The following DNAJC14 variants were observed in gnomAD, a reference collection of about 807,000 sequenced individuals.
The protein encoded by DNAJC14 is dnaJ homolog subfamily C member 14.
A neutral mutation model predicts 68.8 loss-of-function variants in DNAJC14; 12 were observed. That is an observed-to-expected ratio of 0.17 (90% CI 0.11 to 0.28). The LOEUF (loss-of-function observed/expected upper bound fraction) is 0.28. DNAJC14 is among the 10% of genes least tolerant of loss of function. The pLI is 1.00. For synonymous variants in DNAJC14, 350 were observed against 321.5 expected, an observed-to-expected ratio of 1.09 and a Z score of -0.95; for missense variants, 764 against 875.6, an observed-to-expected ratio of 0.87 and a Z score of 1.61.
In DNAJC14 at chr12:55,821,809, A is replaced by G; in HGVS notation, c.*168T>C. 4.7e-6 allele frequency: 3 copies of G among 635,354 alleles called. No individual in the cohort carries two copies. The highest frequency in any genetic ancestry group is 7.3e-6 in the Non-Finnish European group (3 of 410,882). The allele number at this position is 635,354 out of a possible 1,614,324, so 39.4% of individuals were successfully genotyped here. A position where few individuals can be genotyped will look rare whatever the true frequency, so the allele number is the denominator to read the frequency against. On this transcript the variant is annotated 3_prime_UTR_variant, in exon 7 of 7. Coordinates refer to ENST00000678005, the MANE Select transcript of DNAJC14 (RefSeq NM_032364.6). The stretch of plus-strand genomic sequence containing the variant: ...GAGACAGAGGTTGCAGTAAGCTGAG[A>G]TCACACCACTGCACTCCAGCTGGGC...
At chr12:55,823,375 T>C (rs1392091163) in intron 3 of DNAJC14, 27 bp downstream of exon 3, 1 of 1,611,766 alleles carries the variant, frequency 6.2e-7, no homozygotes, top group African/African-American at 1.3e-5. Flanking sequence ...TTTACCATTA[T>C]CTGATGATTT....
chr12:55,826,976 T>C (rs1263242648), intron 2 of DNAJC14, among the ~76,000 whole-genome samples: 1 of 151,576 alleles, frequency 6.6e-6, no homozygotes, highest in Non-Finnish European at 1.5e-5. Flanking sequence ...AATCATGAAG[T>C]CAGGAGTTCG....
chr12:55,826,851 A>T (rs1282157678), intron 2 of DNAJC14, among the ~76,000 whole-genome samples: 1 of 151,258 alleles, frequency 6.6e-6, no homozygotes, highest in South Asian at 2.1e-4. Context: ...TTAACTTTCT[A>T]CTCTGCCTTC....
intron 2 of DNAJC14, among the ~76,000 whole-genome samples, chr12:55,826,801 GAA>G (rs79898481): frequency 8.1e-6 from 1 of 123,238 alleles, no homozygotes. Flanking sequence ...TCCGTCTCAA[GAA>G]AAAAAAAAAA....
chr12:55,822,777 A>T (rs753559874), intron 4 of DNAJC14, 45 bp from the exon 5 acceptor site: 7 of 1,604,794 alleles, frequency 4.4e-6, no homozygotes, highest in Middle Eastern at 1.7e-4. Context: ...TGTCAAGCCT[A>T]CCTAGGGCAC....
intron 1 of DNAJC14, among the ~76,000 whole-genome samples, 164 bp from the exon 2 acceptor site, chr12:55,828,878 A>G (rs978667738): frequency 6.6e-6 from 1 of 152,068 alleles, no homozygotes; most frequent in African/African-American, 2.4e-5. Flanking sequence ...ACTCACCACA[A>G]CCCTGCTTGC....
rs370435412 is a variant in DNAJC14 at position 55,822,578 on chromosome 12, T to C, written c.1789A>G (p.Ile597Val). Residue 597 changes from isoleucine (I) to valine (V), a missense_variant, in exon 5 of 7, where the codon ATC (isoleucine) becomes GTC (valine). This residue lies in a region of DNAJC14 where 134 missense variants were observed against 162.3 expected (regional missense o/e 0.83). Transcript: ENST00000678005. ...FALMDGKVYDITEWAGCQRVG... is the reference protein window; with the variant it reads ...FALMDGKVYDVTEWAGCQRVG... ...TCTAGAGGACAGAGAGTACCTGTGA[T>C]GTCATACACCTTTCCATCCATCAGT... The C allele has an allele frequency of 5.0e-6, 8 of 1,614,122 alleles. No individual in the cohort carries two copies. The African/African-American group carries it at 1.1e-4, about 22-fold the overall frequency.
chr12:55,821,950 C>A lies in DNAJC14; in HGVS notation c.*27G>T. 6.3e-7 allele frequency: 1 copy of A among 1,592,776 alleles called. No homozygotes were observed. Among genetic ancestry groups the A allele is most frequent in the Non-Finnish European group, 8.5e-7 (1 of 1,169,690 alleles). On this transcript the variant is annotated 3_prime_UTR_variant, in exon 7 of 7. Transcript: ENST00000678005. ...TGCTACAGCCCTTTTGACTCCCTGA[C>A]ATTGATTTGAGGAAAGAGAAGGGGC...
intron 1 of DNAJC14, chr12:55,829,170 G>A: frequency 4.1e-6 from 4 of 985,998 alleles, no homozygotes; most frequent in Non-Finnish European, 4.8e-6. Flanking sequence ...AAGGTGGCCG[G>A]GCACCGTGGC....
rs1254513771 is a variant in DNAJC14 at position 55,827,425 on chromosome 12, C to T, written c.1234G>A (p.Gly412Arg). The T allele has an allele frequency of 1.2e-6, 2 of 1,611,652 alleles. No individual in the cohort carries two copies. The highest frequency in any genetic ancestry group is 2.2e-5 in the East Asian group (1 of 44,844). Residue 412 changes from glycine to arginine, a missense_variant, in exon 2 of 7, where the codon GGG (glycine) becomes AGG (arginine). Gly to Arg is a moderately radical substitution (Grantham distance 125, BLOSUM62 -2). Transcript: ENST00000678005. The stretch of plus-strand genomic sequence containing the variant: ...CGCCCACTAGCTACAGGTGCATTCC[C>T]CTGCCTATTAATATTCTGCTTGACC... ...PWVKQNINRQ[G>R]NAPVASGRYC...
intron 2 of DNAJC14, among the ~76,000 whole-genome samples, chr12:55,823,931 T>C (rs1261285808): frequency 3.3e-5 from 5 of 150,850 alleles, no homozygotes; most frequent in Non-Finnish European, 7.4e-5. Flanking sequence ...CTCGAACTCC[T>C]GACCTCAAGA....
chr12:55,822,177 C>A lies in DNAJC14; in HGVS notation c.1909G>T (p.Asp637Tyr), dbSNP rs1485851731. The change falls in exon 7 of 7, where the codon GAT becomes TAT. Residue 637 changes from aspartate to tyrosine, a missense_variant. Physicochemically the swap from Asp to Tyr is radical, Grantham distance 160. Transcript: ENST00000678005. ...TCCTGAAGATCAGCAGGAGGGGCAT[C>A]TGGGGTGGCTCTGAGGTAAAACAGA... ...GTRGRQRATP[D>Y]APPADLQDFL... The A allele has an allele frequency of 3.1e-5, 49 of 1,595,120 alleles. No individual in the cohort carries two copies. The highest frequency in any genetic ancestry group is 3.5e-5 in the Non-Finnish European group (41 of 1,170,900).
At chr12:55,825,066 GC>G (rs1396972913) in intron 2 of DNAJC14, among the ~76,000 whole-genome samples, 1 of 150,792 alleles carries the variant, frequency 6.6e-6, no homozygotes, top group Non-Finnish European at 1.5e-5. Context: ...GGGGATCAAG[GC>G]TGCAGTGAGC....
chr12:55,826,741 G>A lies in DNAJC14; in HGVS notation c.1407+511C>T, dbSNP rs368031047. Among the ~76,000 whole-genome samples the A allele has an allele frequency of 7.4e-4, 111 of 150,700 alleles. No individual in the cohort carries two copies. In the South Asian group the frequency reaches 0.022, roughly 30 times the overall value. ...CGTGAACCCGGGAGGCGGAGTTTGCGTGAGCCAAGATCACGCCACTGCACT... is the reference window on the plus strand; with the variant it reads ...CGTGAACCCGGGAGGCGGAGTTTGCATGAGCCAAGATCACGCCACTGCACT... On this transcript the variant is annotated intron_variant, in intron 2 of 6. Coordinates refer to ENST00000678005, the MANE Select transcript of DNAJC14 (RefSeq NM_032364.6).
chr12:55,825,582 C>T (rs1387305785), intron 2 of DNAJC14, among the ~76,000 whole-genome samples: 7 of 120,028 alleles, frequency 5.8e-5, no homozygotes, highest in South Asian at 5.5e-4. Context: ...CTTGTTCTGT[C>T]GCCCAGGCTG....
At position 55,821,862 on chromosome 12, in the gene DNAJC14, TAAAAA is replaced by T; in HGVS notation, c.*110_*114del. 8.2e-7 allele frequency: 1 copy of T among 1,212,860 alleles called. No homozygotes were observed. Among genetic ancestry groups the T allele is most frequent in the Non-Finnish European group, 1.1e-6 (1 of 878,936 alleles). The allele number at this position is 1,212,860 out of a possible 1,614,324, so 75.1% of individuals were successfully genotyped here. On this transcript the variant is annotated 3_prime_UTR_variant, in exon 7 of 7. Transcript: ENST00000678005. ...CAGAGCAAGACTCCATCTCAAAAAA[TAAAAA>T]GAAAAAGATTCAGTTCCTAGGTGTT...
In DNAJC14 at chr12:55,827,620, G is replaced by A. The variant is rs752487304; in HGVS notation, c.1039C>T (p.Arg347Trp). The A allele has an allele frequency of 2.3e-5, 37 of 1,609,678 alleles. No individual in the cohort carries two copies. In the Admixed American group the frequency reaches 4.9e-4, roughly 21 times the overall value. Residue 347 changes from arginine to tryptophan, a missense_variant, in exon 2 of 7, where the codon CGG becomes TGG. Around this residue, in one of 4 missense-constraint regions of DNAJC14, gnomAD observed 514 missense variants for 521.7 expected, o/e 0.99. Transcript: ENST00000678005. ...CGGTCACCTAGTCCCACCAGAAACC[G>A]CCATCCCAACTGTAGAAAGCCCAAA... ...LFLGFLQLGW[R>W]FLVGLGDRLG...
chr12:55,826,511 A>G (rs1012299452), intron 2 of DNAJC14, among the ~76,000 whole-genome samples: 49 of 152,004 alleles, frequency 3.2e-4, no homozygotes, highest in African/African-American at 1.1e-3. Context: ...TCCTAAGACT[A>G]TGTTAACCAG....
intron 2 of DNAJC14, among the ~76,000 whole-genome samples, chr12:55,823,924 G>T (rs998470812): frequency 6.7e-6 from 1 of 149,988 alleles, no homozygotes; most frequent in Non-Finnish European, 1.5e-5. Context: ...GTCTGGTCTC[G>T]AACTCCTGAC....
Sources: gnomAD v4.1 joint callset for allele counts (sites outside exome capture counted in the v4.1 genomes callset) on GRCh38, gnomAD v4.1.1 for gene constraint, gnomAD v4.1.1 regional missense constraint, MANE v1.5 for transcripts, NCBI Gene and HGNC (gene_info 2026-07-23, HGNC 2026-07-21) for gene names.